Variants in EFCAB5 observed in about 807,000 individuals in gnomAD.
EFCAB5 encodes the protein EF-hand calcium binding domain 5.
Under a neutral mutation model 167.9 loss-of-function variants are expected in EFCAB5, and 131 were observed. That is an observed-to-expected ratio of 0.78 (90% CI 0.68 to 0.90). The LOEUF (loss-of-function observed/expected upper bound fraction) is 0.90. Among genes scored for constraint, EFCAB5 ranks in the 40% least tolerant of loss-of-function variants. The pLI, the probability that EFCAB5 is intolerant of heterozygous loss-of-function variation, is 0.00. For missense variants in EFCAB5, 1,663 were observed against 1,745.2 expected, an observed-to-expected ratio of 0.95 and a Z score of 0.84; for synonymous variants, 574 against 602.8, an observed-to-expected ratio of 0.95 and a Z score of 0.70.
At chr17:29,986,636 C>CTTTTTTTTTTTTTTTTTTTT (rs1196821046) in intron 4 of EFCAB5, among the ~76,000 whole-genome samples, 1 of 87,948 alleles carries the variant, frequency 1.1e-5, no homozygotes, top group African/African-American at 5.5e-5. Flanking sequence ...GGAGTATATT[C>CTTTTTTTTTTTTTTTTTTTT]ATTTTTTTTT....
At chr17:29,998,995 T>C (rs1237375263) in intron 6 of EFCAB5, among the ~76,000 whole-genome samples, 1 of 152,154 alleles carries the variant, frequency 6.6e-6, no homozygotes, top group Non-Finnish European at 1.5e-5. Context: ...GATATCATTC[T>C]CTTGATTTTT....
In EFCAB5 at chr17:29,992,351, T is replaced by A. The variant is rs578015876; in HGVS notation, c.768-814T>A. 5.9e-5 allele frequency among the ~76,000 whole-genome samples: 9 copies of A among 152,300 alleles called. No homozygotes were observed. In the South Asian group the frequency reaches 1.9e-3, roughly 32 times the overall value. ...TGTATAGTATTCCATTGTATTTATT[T>A]ATTACTTATTTTTTGAGACAGAGTT... On this transcript the variant is annotated intron_variant, in intron 4 of 22. Coordinates refer to ENST00000394835, the MANE Select transcript of EFCAB5 (RefSeq NM_198529.4).
chr17:30,041,008 G>C (rs1406334693), intron 8 of EFCAB5, among the ~76,000 whole-genome samples: 2 of 152,222 alleles, frequency 1.3e-5, no homozygotes, highest in African/African-American at 4.8e-5. Context: ...GTTTAAGAGT[G>C]TGAAGTCCAG....
intron 7 of EFCAB5, among the ~76,000 whole-genome samples, chr17:30,014,098 C>T (rs1024714897): frequency 2.2e-4 from 33 of 152,042 alleles, no homozygotes; most frequent in Non-Finnish European, 4.9e-4. Context: ...TCAGTTTCCA[C>T]GTAGTTGTGT....
chr17:30,049,506 C>CAAACA (rs2070025583), intron 8 of EFCAB5, among the ~76,000 whole-genome samples: 1 of 139,346 alleles, frequency 7.2e-6, no homozygotes, highest in African/African-American at 2.7e-5. Flanking sequence ...CAAAAACAAA[C>CAAACA]AAAAAAAAAA....
chr17:30,083,351 T>C (rs1269405190), intron 18 of EFCAB5, among the ~76,000 whole-genome samples: 1 of 152,238 alleles, frequency 6.6e-6, no homozygotes, highest in Admixed American at 6.5e-5. Flanking sequence ...CTTCTCATGT[T>C]TGTTTCCCTC....
chr17:30,051,145 T>G lies in EFCAB5; in HGVS notation c.1228T>G (p.Leu410Val). 1 of 1,614,024 alleles carries G rather than the reference T, an allele frequency of 6.2e-7. No individual in the cohort carries two copies. Among genetic ancestry groups the G allele is most frequent in the Non-Finnish European group, 8.5e-7 (1 of 1,179,890 alleles). ...KVGFLDRQRT[L>V]ALLELFYDHS... ...AGGGTTTTTGGATCGGCAGAGGACA[T>G]TGGCCCTGCTGGAATTGTTCTATGA... The change falls in exon 9 of 23, where the codon TTG becomes GTG. Residue 410 changes from leucine (L) to valine (V), a missense_variant. Coordinates refer to ENST00000394835, the MANE Select transcript of EFCAB5 (RefSeq NM_198529.4).
intron 5 of EFCAB5, among the ~76,000 whole-genome samples, chr17:29,995,587 G>A (rs530112572): frequency 2.6e-5 from 4 of 152,176 alleles, no homozygotes; most frequent in South Asian, 4.1e-4. Flanking sequence ...TCTTGTCTGC[G>A]TCTGATCTGG....
chr17:29,953,926 T>C (rs1484651375), intron 3 of EFCAB5, among the ~76,000 whole-genome samples: 1 of 152,200 alleles, frequency 6.6e-6, no homozygotes, highest in Non-Finnish European at 1.5e-5. Context: ...AGGAACTTGT[T>C]GGGAACTGGA....
chr17:30,085,484 G>A (rs981755175), intron 18 of EFCAB5, among the ~76,000 whole-genome samples: 8 of 152,200 alleles, frequency 5.3e-5, no homozygotes, highest in Non-Finnish European at 1.0e-4. Flanking sequence ...ACTTTGGGAG[G>A]CTGAGGCGGG....
intron 2 of EFCAB5, among the ~76,000 whole-genome samples, chr17:29,942,859 G>A (rs1214819862): frequency 6.6e-6 from 1 of 152,072 alleles, no homozygotes; most frequent in African/African-American, 2.4e-5. Flanking sequence ...CCAACATAGC[G>A]AAACTCCATC....
chr17:30,107,783 G>T, intron 22 of EFCAB5, 51 bp from the exon 23 acceptor site: 2 of 1,377,524 alleles, frequency 1.5e-6, no homozygotes, highest in African/African-American at 1.6e-5. Flanking sequence ...AATTTTAATA[G>T]TAAAGTGCAA....
intron 7 of EFCAB5, among the ~76,000 whole-genome samples, chr17:30,029,004 A>G (rs1433006074): frequency 6.6e-6 from 1 of 152,182 alleles, no homozygotes; most frequent in Non-Finnish European, 1.5e-5. Context: ...CAACATATTA[A>G]TTTTAGGGAG....
chr17:29,983,758 C>A (rs944664653), intron 4 of EFCAB5, among the ~76,000 whole-genome samples: 1 of 152,136 alleles, frequency 6.6e-6, no homozygotes, highest in East Asian at 1.9e-4. Flanking sequence ...GTGACACAAT[C>A]AATTTAAAAT....
chr17:30,028,579 C>CT (rs2151726333), intron 7 of EFCAB5, among the ~76,000 whole-genome samples: 1 of 152,344 alleles, frequency 6.6e-6, no homozygotes, highest in East Asian at 1.9e-4. Context: ...GGATGTGTCT[C>CT]TTCCTAGGCA....
upstream of EFCAB5, among the ~76,000 whole-genome samples, chr17:29,940,663 C>G (rs1454712083): frequency 2.6e-5 from 4 of 152,188 alleles, no homozygotes; most frequent in East Asian, 7.7e-4. Context: ...TTTGAGGCAG[C>G]TATTTTTAAA....
intron 22 of EFCAB5, among the ~76,000 whole-genome samples, chr17:30,102,527 T>C (rs2071395367): frequency 1.3e-5 from 2 of 152,114 alleles, no homozygotes; most frequent in South Asian, 4.1e-4. Context: ...TGAGCCACCA[T>C]ACCCGGCCCT....
chr17:30,054,058 T>C lies in EFCAB5; in HGVS notation c.2104T>C (p.Ser702Pro). ...YIEVPLQEKR[S>P]WEQTYEEEIF... ...TGAAGTCCCTCTACAGGAAAAGAGG[T>C]CTTGGGAACAAACATATGAAGAGGA... Residue 702 changes from serine to proline, a missense_variant, in exon 10 of 23, where the codon TCT becomes CCT. Ser to Pro is a moderately conservative substitution (Grantham distance 74, BLOSUM62 -1). Transcript: ENST00000394835. 1.3e-6 allele frequency: 2 copies of C among 1,599,420 alleles called. No individual in the cohort carries two copies. Among genetic ancestry groups the C allele is most frequent in the South Asian group, 2.2e-5 (2 of 89,154 alleles).
At chr17:30,058,289 G>A (rs2070332444) in intron 13 of EFCAB5, among the ~76,000 whole-genome samples, 2 of 152,310 alleles carry the variant, frequency 1.3e-5, no homozygotes, top group Middle Eastern at 3.4e-3. Context: ...GAGCACCCAG[G>A]TAGTACATAT....
Sources: gnomAD v4.1 joint callset for allele counts (sites outside exome capture counted in the v4.1 genomes callset) on GRCh38, gnomAD v4.1.1 for gene constraint, MANE v1.5 for transcripts, NCBI Gene and HGNC (gene_info 2026-07-23, HGNC 2026-07-21) for gene names.